PDE4B: variants seen among roughly 807,000 people sequenced by gnomAD.
PDE4B encodes the protein 3',5'-cyclic-AMP phosphodiesterase 4B.
A neutral mutation model predicts 82.2 loss-of-function variants in PDE4B; 20 were observed. The ratio of observed to expected loss-of-function variants is 0.24; its 90% CI spans 0.17 to 0.35. The LOEUF is 0.35. PDE4B is among the 10% of genes least tolerant of loss of function. The pLI, the probability that PDE4B is intolerant of heterozygous loss-of-function variation, is 1.00. For synonymous variants in PDE4B, 320 were observed against 318.9 expected (o/e 1.00, Z -0.04); for missense variants, 655 against 907.2 (o/e 0.72, Z 3.57).
At chr1:65,862,969 C>A (rs532278794) in intron 1 of PDE4B, among the ~76,000 whole-genome samples, 1 of 152,028 alleles carries the variant, frequency 6.6e-6, no homozygotes, top group African/African-American at 2.4e-5. Context: ...AGTGGTCTAT[C>A]TATTTTGTTA....
chr1:66,051,592 A>G (rs1462648280), intron 3 of PDE4B, among the ~76,000 whole-genome samples: 2 of 152,084 alleles, frequency 1.3e-5, no homozygotes, highest in Non-Finnish European at 2.9e-5. Context: ...AACATTTATT[A>G]TATATATGTA....
chr1:65,976,717 C>T (rs983909233), intron 3 of PDE4B, among the ~76,000 whole-genome samples: 3 of 152,098 alleles, frequency 2.0e-5, no homozygotes, highest in Non-Finnish European at 4.4e-5. Flanking sequence ...AAGTGTGTGG[C>T]ACTTCCTGCT....
At chr1:66,290,746 T>G (rs1038233906) in intron 7 of PDE4B, among the ~76,000 whole-genome samples, 1 of 152,174 alleles carries the variant, frequency 6.6e-6, no homozygotes, top group Non-Finnish European at 1.5e-5. Context: ...TGCTAGCACT[T>G]TATGTACTTT....
At chr1:65,848,844 A>G (rs1646297088) in intron 1 of PDE4B, among the ~76,000 whole-genome samples, 1 of 152,122 alleles carries the variant, frequency 6.6e-6, no homozygotes, top group Non-Finnish European at 1.5e-5. Context: ...GCTACTCTCA[A>G]TATTTGTGTA....
intron 3 of PDE4B, among the ~76,000 whole-genome samples, chr1:66,106,744 C>G (rs138568082): frequency 0.26 from 39,897 of 150,572 alleles, 6,241 homozygotes; most frequent in Middle Eastern, 0.37. Flanking sequence ...TTGTAGTATT[C>G]TCTGATGGTA....
chr1:66,335,317 C>T (rs1660436424), intron 8 of PDE4B, among the ~76,000 whole-genome samples: 1 of 152,190 alleles, frequency 6.6e-6, no homozygotes, highest in African/African-American at 2.4e-5. Context: ...ATCTTAAGAA[C>T]AGCGATAGGT....
chr1:65,839,730 A>G (rs570508692), intron 1 of PDE4B, among the ~76,000 whole-genome samples: 1 of 152,176 alleles, frequency 6.6e-6, no homozygotes, highest in Non-Finnish European at 1.5e-5. Context: ...TACAATAAAT[A>G]TATGTGTGCA....
chr1:66,179,052 A>G (rs1287051307), intron 3 of PDE4B, among the ~76,000 whole-genome samples: 2 of 152,068 alleles, frequency 1.3e-5, no homozygotes, highest in Admixed American at 6.6e-5. Flanking sequence ...AGGTTTCACC[A>G]TGTTGGCCAG....
chr1:66,023,739 C>T (rs188836454), intron 3 of PDE4B, among the ~76,000 whole-genome samples: 1 of 152,056 alleles, frequency 6.6e-6, no homozygotes, highest in Non-Finnish European at 1.5e-5. Flanking sequence ...ATTAGATCAA[C>T]TACCATTTAT....
At chr1:65,890,363 T>G (rs1646839873) in intron 1 of PDE4B, among the ~76,000 whole-genome samples, 1 of 152,072 alleles carries the variant, frequency 6.6e-6, no homozygotes, top group South Asian at 2.1e-4. Flanking sequence ...ATCTAAACTG[T>G]TCTTTCCCCT....
chr1:65,939,818 CG>C (rs1648347373), intron 3 of PDE4B, among the ~76,000 whole-genome samples: 1 of 152,056 alleles, frequency 6.6e-6, no homozygotes, highest in Admixed American at 6.6e-5. Flanking sequence ...GATCCACTTA[CG>C]CAAGGCACTT....
intron 7 of PDE4B, among the ~76,000 whole-genome samples, chr1:66,324,025 A>G (rs1036055733): frequency 2.6e-5 from 4 of 152,170 alleles, no homozygotes; most frequent in African/African-American, 4.8e-5. Flanking sequence ...GCTGGATGAG[A>G]ACAGATTCTC....
At chr1:66,034,313 A>T (rs1653953151) in intron 3 of PDE4B, among the ~76,000 whole-genome samples, 1 of 152,236 alleles carries the variant, frequency 6.6e-6, no homozygotes, top group East Asian at 1.9e-4. Flanking sequence ...AAAGTTAAAA[A>T]TTTCACATTT....
chr1:65,810,502 T>C (rs1482225281), intron 1 of PDE4B, among the ~76,000 whole-genome samples: 1 of 152,216 alleles, frequency 6.6e-6, no homozygotes, highest in African/African-American at 2.4e-5. Flanking sequence ...AAGTCTATAC[T>C]TTTTCTAGTG....
intron 3 of PDE4B, among the ~76,000 whole-genome samples, chr1:65,947,486 A>G (rs764358875): frequency 1.3e-5 from 2 of 152,014 alleles, no homozygotes; most frequent in Non-Finnish European, 2.9e-5. Context: ...GGGTTGAATT[A>G]TATCCCCAAA....
At chr1:66,266,788 G>C in intron 7 of PDE4B, 1 of 459,486 alleles carries the variant, frequency 2.2e-6, no homozygotes, top group Non-Finnish European at 4.4e-6. Flanking sequence ...AATGCAACCA[G>C]TTCTATGATA....
At chr1:65,874,822 A>C (rs1229683188) in intron 1 of PDE4B, among the ~76,000 whole-genome samples, 1 of 152,086 alleles carries the variant, frequency 6.6e-6, no homozygotes, top group Non-Finnish European at 1.5e-5. Context: ...TTTAAACGTT[A>C]GACCTAAAAC....
chr1:65,792,863 G>A (rs958777109), upstream of PDE4B, among the ~76,000 whole-genome samples: 27 of 152,082 alleles, frequency 1.8e-4, no homozygotes, highest in Non-Finnish European at 3.5e-4. Flanking sequence ...GGGGGCGGGG[G>A]TGGACAGTAG....
chr1:66,326,606 C>G (rs575798261), intron 7 of PDE4B, among the ~76,000 whole-genome samples: 9 of 152,216 alleles, frequency 5.9e-5, no homozygotes, highest in Non-Finnish European at 1.2e-4. Flanking sequence ...ATAGTTACCA[C>G]CTTCTCTAAT....
Sources: allele counts gnomAD v4.1 joint callset (sites outside exome capture counted in the v4.1 genomes callset), GRCh38; gene constraint gnomAD v4.1.1; transcripts MANE v1.5; gene names NCBI Gene and HGNC (gene_info 2026-07-23, HGNC 2026-07-21).